AFG2A: variants seen among roughly 807,000 people sequenced by gnomAD.
AFG2A encodes the protein AAA ATPase AFG2A, also known as ATPase family gene 2 protein homolog A.
chr4:123,158,564 G>A, the AFG2A span, among the ~76,000 whole-genome samples: 1 of 152,050 alleles, frequency 6.6e-6, no homozygotes, highest in Non-Finnish European at 1.5e-5. Context: ...GTTCAGGTGT[G>A]GTAATATCTA....
the AFG2A span, among the ~76,000 whole-genome samples, chr4:123,124,160 A>G: frequency 1.3e-5 from 2 of 152,058 alleles, no homozygotes; most frequent in South Asian, 4.2e-4. Flanking sequence ...ACGATTATAA[A>G]TCATGCTGCT....
the AFG2A span, among the ~76,000 whole-genome samples, chr4:123,126,999 T>C: frequency 6.6e-6 from 1 of 152,056 alleles, no homozygotes; most frequent in Non-Finnish European, 1.5e-5. Context: ...GGCAGGAGGA[T>C]CACTTAAGGC....
At chr4:122,982,946 C>A in the AFG2A span, among the ~76,000 whole-genome samples, 3 of 140,674 alleles carry the variant, frequency 2.1e-5, no homozygotes, top group Non-Finnish European at 3.0e-5. Context: ...TGGCTCACGG[C>A]AACCTCCGCC....
the AFG2A span, chr4:122,923,336 C>T: frequency 6.2e-7 from 1 of 1,612,084 alleles, no homozygotes; most frequent in Non-Finnish European, 8.5e-7. Flanking sequence ...GACTAGAGGC[C>T]GAGGGGGCGC....
chr4:123,093,458 G>GAT, the AFG2A span, among the ~76,000 whole-genome samples: 2 of 152,162 alleles, frequency 1.3e-5, no homozygotes, highest in African/African-American at 4.8e-5. Context: ...CAGTGTCTTA[G>GAT]GCCAATGAGC....
the AFG2A span, among the ~76,000 whole-genome samples, chr4:123,069,708 A>G: frequency 2.0e-5 from 3 of 152,244 alleles, no homozygotes; most frequent in Admixed American, 2.0e-4. Flanking sequence ...TCCGAAAAGT[A>G]TAAACATATT....
chr4:122,924,481 G>A, the AFG2A span, among the ~76,000 whole-genome samples: 2 of 152,036 alleles, frequency 1.3e-5, no homozygotes. Flanking sequence ...CCTCCTTCTC[G>A]AAACACTTAA....
the AFG2A span, among the ~76,000 whole-genome samples, chr4:123,266,887 G>C: frequency 6.6e-6 from 1 of 151,910 alleles, no homozygotes; most frequent in Non-Finnish European, 1.5e-5. Flanking sequence ...GAGGGTTTCT[G>C]TGTCCACTAG....
At chr4:123,235,626 C>A in the AFG2A span, among the ~76,000 whole-genome samples, 1 of 152,206 alleles carries the variant, frequency 6.6e-6, no homozygotes, top group African/African-American at 2.4e-5. Flanking sequence ...ATGTCAACTA[C>A]TTGGTGTGAC....
the AFG2A span, among the ~76,000 whole-genome samples, chr4:123,286,257 A>C: frequency 3.3e-5 from 5 of 152,150 alleles, no homozygotes; most frequent in Non-Finnish European, 7.3e-5. Flanking sequence ...TATCACACTA[A>C]AAAAAATCAT....
chr4:123,083,400 G>A, the AFG2A span, among the ~76,000 whole-genome samples: 2 of 94,516 alleles, frequency 2.1e-5, no homozygotes, highest in African/African-American at 3.6e-5. Context: ...CTATTTATAT[G>A]ATTATGAGAT....
At chr4:123,151,979 G>T in the AFG2A span, among the ~76,000 whole-genome samples, 7,635 of 152,164 alleles carry the variant, frequency 0.05, 608 homozygotes, top group African/African-American at 0.17. Flanking sequence ...CCTTTGTAGG[G>T]ACATGGTTGA....
the AFG2A span, among the ~76,000 whole-genome samples, chr4:123,200,447 C>T: frequency 6.6e-6 from 1 of 152,138 alleles, no homozygotes; most frequent in South Asian, 2.1e-4. Context: ...TGTTTTTTAA[C>T]AATCTTTAGG....
At chr4:123,099,837 T>C in the AFG2A span, among the ~76,000 whole-genome samples, 1 of 151,852 alleles carries the variant, frequency 6.6e-6, no homozygotes, top group South Asian at 2.1e-4. Context: ...AAAGTTCCAT[T>C]GGTTATTAGC....
chr4:123,073,894 G>A, the AFG2A span, among the ~76,000 whole-genome samples: 2 of 152,034 alleles, frequency 1.3e-5, no homozygotes, highest in Non-Finnish European at 2.9e-5. Flanking sequence ...TGCCCTGTTT[G>A]TACCTGTTTT....
chr4:123,016,377 C>T, the AFG2A span, among the ~76,000 whole-genome samples: 1 of 150,968 alleles, frequency 6.6e-6, no homozygotes, highest in African/African-American at 2.4e-5. Flanking sequence ...GGGCGGTTGC[C>T]AGGCGGAGGG....
chr4:122,939,075 CTTTTTTTTTT>C, the AFG2A span, among the ~76,000 whole-genome samples: 2 of 102,188 alleles, frequency 2.0e-5, no homozygotes, highest in Non-Finnish European at 3.9e-5. Context: ...TATGTTCTTT[CTTTTTTTTTT>C]TTTTTTTTTT....
the AFG2A span, among the ~76,000 whole-genome samples, chr4:122,935,205 TC>T: frequency 6.6e-6 from 1 of 152,192 alleles, no homozygotes; most frequent in African/African-American, 2.4e-5. Flanking sequence ...ATTTGCTGTG[TC>T]TGATCTCTCT....
chr4:123,039,296 A>G, the AFG2A span, among the ~76,000 whole-genome samples: 1 of 152,154 alleles, frequency 6.6e-6, no homozygotes, highest in Non-Finnish European at 1.5e-5. Flanking sequence ...AACAACAGCA[A>G]TAATGTAGAG....
Sources: allele counts gnomAD v4.1 joint callset (sites outside exome capture counted in the v4.1 genomes callset), GRCh38; gene constraint gnomAD v4.1.1; transcripts MANE v1.5; gene names NCBI Gene and HGNC (gene_info 2026-07-23, HGNC 2026-07-21).